Variants in COPS9 observed in about 807,000 individuals in gnomAD.
COPS9 encodes COP9 signalosome subunit 9, also known as COP9 signalosome complex subunit 9.
In COPS9, 8 loss-of-function variants were observed where a neutral mutation model predicts 7.2. That is an observed-to-expected ratio of 1.11 (90% CI 0.65 to 2.00). COPS9 has a LOEUF of 2.00. Among genes scored for constraint, COPS9 ranks in the 30% most tolerant of loss-of-function variants. COPS9 has a pLI of 0.00. For missense variants in COPS9, 74 were observed against 77.7 expected (o/e 0.95, Z 0.18); for synonymous variants, 39 against 28.7 (o/e 1.36, Z -1.14).
At chr2:240,135,486 A>T (rs1344520296) in intron 1 of COPS9, among the ~76,000 whole-genome samples, 7 of 152,174 alleles carry the variant, frequency 4.6e-5, no homozygotes, top group East Asian at 1.9e-4. Context: ...GAAAGAGCAC[A>T]TAAGGCCCTG....
At position 240,132,489 on chromosome 2, in the gene COPS9, G is replaced by T. The variant is rs549457261; in HGVS notation, c.137-1401C>A. ...GCTCTCCTGCGTCCCCTCCCTGACC[G>T]GCCGTGGCTCAAAGGCAGACACGCG... is the stretch of plus-strand genomic sequence containing the variant. On this transcript the variant is annotated intron_variant, in intron 2 of 2. Coordinates refer to ENST00000607357, the MANE Select transcript of COPS9 (RefSeq NM_001163424.2). The surrounding 1 kb of genome is among the most constrained non-coding windows in gnomAD (Gnocchi z 4.1). 9.9e-5 allele frequency among the ~76,000 whole-genome samples: 15 copies of T among 152,240 alleles called. No individual in the cohort carries two copies. The South Asian group carries it at 3.1e-3, about 32-fold the overall frequency.
chr2:240,132,885 A>C lies in COPS9; in HGVS notation c.136+1048T>G, dbSNP rs1243118516. ...CACCTCGCTCTGGCATAAAGAATTG[A>C]AATAAATGCTATTCAGTTCTCCAGG... On this transcript the variant is annotated intron_variant, in intron 2 of 2. Coordinates refer to ENST00000607357, the MANE Select transcript of COPS9 (RefSeq NM_001163424.2). The surrounding 1 kb of genome is among the most constrained non-coding windows in gnomAD (Gnocchi z 4.1). Among the ~76,000 whole-genome samples the C allele has an allele frequency of 1.3e-5, 2 of 152,208 alleles. No homozygotes were observed. Among genetic ancestry groups the C allele is most frequent in the Admixed American group, 1.3e-4 (2 of 15,282 alleles).
At chr2:240,134,264 T>C (rs1173827838) in intron 1 of COPS9, 3 of 463,936 alleles carry the variant, frequency 6.5e-6, no homozygotes, top group Non-Finnish European at 1.2e-5. Flanking sequence ...AACCTACCAC[T>C]GACCTAAGCA....
chr2:240,130,535 A>G (rs1361103885), downstream of COPS9, among the ~76,000 whole-genome samples: 1 of 152,244 alleles, frequency 6.6e-6, no homozygotes, highest in East Asian at 1.9e-4. Flanking sequence ...AGAGGACAGC[A>G]TAAGGACGAC....
downstream of COPS9, among the ~76,000 whole-genome samples, chr2:240,127,149 G>A (rs527456074): frequency 5.9e-5 from 9 of 152,262 alleles, no homozygotes; most frequent in Non-Finnish European, 1.0e-4. Context: ...AATTAACGGC[G>A]AATACCCAGG....
chr2:240,133,348 G>A (rs2071940438), intron 2 of COPS9, among the ~76,000 whole-genome samples: 1 of 152,210 alleles, frequency 6.6e-6, no homozygotes, highest in South Asian at 2.1e-4. Flanking sequence ...GTCTGAAGAT[G>A]TTACAGAAAA....
chr2:240,130,115 C>A, downstream of COPS9: 4 of 1,061,242 alleles, frequency 3.8e-6, no homozygotes, highest in Non-Finnish European at 5.6e-6. Context: ...GCAGAGCTGA[C>A]ATTCGGTTCT....
At chr2:240,126,942 TG>T, downstream of COPS9, 1 of 1,609,422 alleles carries the variant, frequency 6.2e-7, no homozygotes. Flanking sequence ...TTCACATCTC[TG>T]GGGAGAGACA....
Position 240,134,020 on chromosome 2 carries a change from G to A in COPS9, c.64-15C>T. ...CTGCCTCCCGCCTGGGGAATGGAAA[G>A]GCAAGGTTATGTCAGGTGCGTTTTC... On this transcript the variant is annotated splice_polypyrimidine_tract_variant and intron_variant, in intron 1 of 2. Transcript: ENST00000607357. 2 of 1,614,024 alleles carry A rather than the reference G, an allele frequency of 1.2e-6. No homozygotes were observed. The highest frequency in any genetic ancestry group is 1.7e-6 in the Non-Finnish European group (2 of 1,179,918).
Position 240,132,187 on chromosome 2 carries a change from C to T in COPS9, c.137-1099G>A, listed in dbSNP as rs1462817725. Among the ~76,000 whole-genome samples the T allele has an allele frequency of 6.6e-6, 1 of 152,176 alleles. No homozygotes were observed. The highest frequency in any genetic ancestry group is 2.4e-5 in the African/African-American group (1 of 41,428). On this transcript the variant is annotated intron_variant, in intron 2 of 2. Transcript: ENST00000607357. This position sits in a 1 kb window ranked among gnomAD's most constrained non-coding sequence, Gnocchi z 4.1. ...CTTTGCCAGGGCTCTTGTCACAGTC[C>T]AGCCCCTGCCTGCTGACTTGTCTGG...
chr2:240,130,173 A>G (rs1352194199), downstream of COPS9: 3 of 642,872 alleles, frequency 4.7e-6, no homozygotes, highest in Non-Finnish European at 8.0e-6. Flanking sequence ...TTCTGTAAAC[A>G]TGACAAGGTG....
chr2:240,135,050 G>C (rs57436753), intron 1 of COPS9, among the ~76,000 whole-genome samples: 1 of 152,052 alleles, frequency 6.6e-6, no homozygotes, highest in African/African-American at 2.4e-5. Flanking sequence ...GAAGTGCTTC[G>C]GGAGCGGGGT....
chr2:240,127,598 G>A (rs1221407481), downstream of COPS9, among the ~76,000 whole-genome samples: 4 of 152,136 alleles, frequency 2.6e-5, no homozygotes, highest in African/African-American at 9.7e-5. Context: ...GGGTGATTAG[G>A]TCATGGTGGC....
At chr2:240,130,484 T>C (rs2071911152), downstream of COPS9, among the ~76,000 whole-genome samples, 1 of 152,216 alleles carries the variant, frequency 6.6e-6, no homozygotes, top group Non-Finnish European at 1.5e-5. Context: ...CCTGTCGTCC[T>C]AGTTCTTAAG....
At chr2:240,134,720 G>A (rs887211667) in intron 1 of COPS9, among the ~76,000 whole-genome samples, 1 of 152,070 alleles carries the variant, frequency 6.6e-6, no homozygotes, top group African/African-American at 2.4e-5. Context: ...TTCCCTTTCA[G>A]ACACTCTCAG....
At chr2:240,128,621 C>A (rs527278092), downstream of COPS9, among the ~76,000 whole-genome samples, 1 of 151,634 alleles carries the variant, frequency 6.6e-6, no homozygotes, top group African/African-American at 2.4e-5. Context: ...GTGATGAAGG[C>A]GATCAGGTAT....
At chr2:240,136,158 G>T in intron 1 of COPS9, 64 bp downstream of exon 1, 1 of 1,309,018 alleles carries the variant, frequency 7.6e-7, no homozygotes, top group Non-Finnish European at 9.8e-7. Flanking sequence ...GCACCAGGAC[G>T]CCGCCCTTCC....
chr2:240,135,974 A>C, intron 1 of COPS9: 1 of 563,846 alleles, frequency 1.8e-6, no homozygotes, highest in East Asian at 3.6e-5. Context: ...GCAGGCACTC[A>C]ACCCTCAGGC....
At chr2:240,127,146 G>A (rs545225745), downstream of COPS9, among the ~76,000 whole-genome samples, 4 of 152,234 alleles carry the variant, frequency 2.6e-5, no homozygotes, top group South Asian at 2.1e-4. Flanking sequence ...AATAATTAAC[G>A]GCGAATACCC....
Sources: allele counts gnomAD v4.1 joint callset (sites outside exome capture counted in the v4.1 genomes callset), GRCh38; gene constraint gnomAD v4.1.1; non-coding constraint Gnocchi (gnomAD v3.1); transcripts MANE v1.5; gene names NCBI Gene and HGNC (gene_info 2026-07-23, HGNC 2026-07-21).